The following PIGU variants were observed in gnomAD, a reference collection of about 807,000 sequenced individuals.
The protein encoded by PIGU is GPI-anchor transamidase component PIGU.
A neutral mutation model predicts 49.9 loss-of-function variants in PIGU; 24 were observed. The ratio of observed to expected loss-of-function variants is 0.48; its 90% confidence interval spans 0.35 to 0.68. The LOEUF is 0.68. PIGU is among the 30% of genes least tolerant of loss of function. PIGU has a pLI of 0.01. For missense variants in PIGU, 490 were observed against 532.6 expected (o/e 0.92, Z 0.79); for synonymous variants, 220 against 205.7 (o/e 1.07, Z -0.59).
intron 5 of PIGU, among the ~76,000 whole-genome samples, chr20:34,636,042 A>T (rs986437247): frequency 5.3e-5 from 8 of 150,832 alleles, no homozygotes; most frequent in Non-Finnish European, 7.4e-5. Context: ...AAAAAAACAT[A>T]AAAAAACCCT....
At chr20:34,575,867 A>G (rs1020146883) in intron 10 of PIGU, among the ~76,000 whole-genome samples, 4 of 152,194 alleles carry the variant, frequency 2.6e-5, no homozygotes, top group African/African-American at 9.7e-5. Flanking sequence ...TCCCACCAGG[A>G]AGAAAGCTCT....
chr20:34,595,781 G>T (rs147168439), intron 7 of PIGU, among the ~76,000 whole-genome samples: 1 of 152,140 alleles, frequency 6.6e-6, no homozygotes, highest in Admixed American at 6.5e-5. Context: ...GTTACATGGC[G>T]CAAGAAAAGA....
intron 1 of PIGU, among the ~76,000 whole-genome samples, chr20:34,673,471 T>C (rs1987378631): frequency 6.6e-6 from 1 of 152,130 alleles, no homozygotes; most frequent in Non-Finnish European, 1.5e-5. Flanking sequence ...ATCCAGATGA[T>C]GGGTGGTTAA....
chr20:34,641,197 G>A (rs1426431258), intron 4 of PIGU, among the ~76,000 whole-genome samples: 2 of 152,180 alleles, frequency 1.3e-5, no homozygotes, highest in African/African-American at 4.8e-5. Context: ...GATTACAGGC[G>A]TGAGCCACAG....
intron 1 of PIGU, among the ~76,000 whole-genome samples, chr20:34,660,204 C>A (rs1190399334): frequency 6.6e-6 from 1 of 152,012 alleles, no homozygotes; most frequent in Non-Finnish European, 1.5e-5. Flanking sequence ...GTACTCCATC[C>A]ATAGTAATAA....
chr20:34,661,995 T>C (rs955283255), intron 1 of PIGU, among the ~76,000 whole-genome samples: 2 of 152,218 alleles, frequency 1.3e-5, no homozygotes, highest in Non-Finnish European at 2.9e-5. Flanking sequence ...TGACTAATTA[T>C]GTTGAGCATT....
At chr20:34,605,350 C>G (rs542123686) in intron 7 of PIGU, among the ~76,000 whole-genome samples, 21 of 152,228 alleles carry the variant, frequency 1.4e-4, no homozygotes, top group African/African-American at 4.8e-4. Context: ...GATCAGACAC[C>G]AGTACTCTCT....
Position 34,626,303 on chromosome 20 carries a change from C to CTT in PIGU, c.529+8310_529+8311dup, listed in dbSNP as rs368354750. Among the ~76,000 whole-genome samples the CTT allele has an allele frequency of 1.2e-3, 159 of 137,958 alleles. 2 individuals carry two copies. Among genetic ancestry groups the CTT allele is most frequent in the African/African-American group, 2.7e-3 (99 of 37,326 alleles). The allele number at this position is 137,958 out of a possible 152,430, so 90.5% of individuals were successfully genotyped here. ...GAATAAAATTTTTTAAAACTCCAAA[C>CTT]TTTTTTTTTTTTTTTTGAGACGGAG... On this transcript the variant is annotated intron_variant, in intron 6 of 11. Transcript: ENST00000217446.
chr20:34,661,924 T>C (rs966974616), intron 1 of PIGU, among the ~76,000 whole-genome samples: 3 of 152,142 alleles, frequency 2.0e-5, no homozygotes, highest in Non-Finnish European at 4.4e-5. Context: ...TGGTATGAGA[T>C]AGTATCTCAT....
chr20:34,594,728 C>T (rs952894397), intron 7 of PIGU, among the ~76,000 whole-genome samples: 1 of 151,768 alleles, frequency 6.6e-6, no homozygotes, highest in Non-Finnish European at 1.5e-5. Context: ...GAGCCAAGAT[C>T]GTGCTATTGC....
intron 7 of PIGU, among the ~76,000 whole-genome samples, chr20:34,612,796 T>A (rs1984869753): frequency 6.6e-6 from 1 of 151,832 alleles, no homozygotes; most frequent in Admixed American, 6.6e-5. Context: ...CTAATTTTTG[T>A]AGTTTTAGTA....
Position 34,657,218 on chromosome 20 carries a change from A to C in PIGU, c.157T>G (p.Leu53Val), listed in dbSNP as rs149679724. 336 of 1,613,052 alleles carry C rather than the reference A, an allele frequency of 2.1e-4. No individual in the cohort carries two copies. The highest frequency in any genetic ancestry group is 2.1e-4 in the Non-Finnish European group (246 of 1,179,142). The change falls in exon 2 of 12, where the codon TTG (leucine) becomes GTG (valine). Residue 53 changes from leucine to valine, a missense_variant. Leu to Val is a conservative substitution (Grantham distance 32). Coordinates refer to ENST00000217446, the MANE Select transcript of PIGU (RefSeq NM_080476.5). The stretch of plus-strand genomic sequence containing the variant: ...GCTCCAGAATACGGAGATACTCCCA[A>C]GTCCAACAGTGAAAGGCCTTCAACC... ...RVVEGLSLLD[L>V]GVSPYSGAVF...
intron 2 of PIGU, among the ~76,000 whole-genome samples, chr20:34,654,248 A>G (rs1986637708): frequency 9.3e-6 from 1 of 107,108 alleles, no homozygotes; most frequent in African/African-American, 3.4e-5. Context: ...GGATCACCTG[A>G]GGTCAGGAGT....
chr20:34,665,619 C>T (rs1454366465), intron 1 of PIGU, among the ~76,000 whole-genome samples: 2 of 152,038 alleles, frequency 1.3e-5, no homozygotes, highest in East Asian at 1.9e-4. Flanking sequence ...GGATTACAGG[C>T]GGGAGCCACC....
chr20:34,631,734 TA>T (rs1985726055), intron 6 of PIGU, among the ~76,000 whole-genome samples: 1 of 966 alleles, frequency 1.0e-3, no homozygotes, highest in Non-Finnish European at 2.0e-3. Context: ...TATATATATA[TA>T]TATATATATA....
intron 10 of PIGU, among the ~76,000 whole-genome samples, chr20:34,578,637 T>C (rs540671216): frequency 2.0e-5 from 3 of 152,300 alleles, no homozygotes; most frequent in African/African-American, 7.2e-5. Flanking sequence ...GCTGCAAAGA[T>C]ACATTCCCAT....
chr20:34,595,681 A>T (rs1017422501), intron 7 of PIGU, among the ~76,000 whole-genome samples: 1 of 152,240 alleles, frequency 6.6e-6, no homozygotes, highest in African/African-American at 2.4e-5. Flanking sequence ...ATTAAAATCA[A>T]CCAATATGTG....
At chr20:34,593,918 TG>T in intron 7 of PIGU, among the ~76,000 whole-genome samples, 1 of 152,052 alleles carries the variant, frequency 6.6e-6, no homozygotes, top group South Asian at 2.1e-4. Flanking sequence ...GGCTCATGCC[TG>T]TTATCCCAGC....
intron 6 of PIGU, among the ~76,000 whole-genome samples, chr20:34,630,798 C>A (rs542746182): frequency 6.6e-6 from 1 of 152,144 alleles, no homozygotes; most frequent in South Asian, 2.1e-4. Context: ...AGGCAAGTAC[C>A]ATCACACCGG....
Sources: gnomAD v4.1 joint callset for allele counts (sites outside exome capture counted in the v4.1 genomes callset) on GRCh38, gnomAD v4.1.1 for gene constraint, MANE v1.5 for transcripts, NCBI Gene and HGNC (gene_info 2026-07-23, HGNC 2026-07-21) for gene names.